DCLK2: variants seen among roughly 807,000 people sequenced by gnomAD.
DCLK2 encodes doublecortin like kinase 2, also known as serine/threonine-protein kinase DCLK2.
Under a neutral mutation model 78.4 loss-of-function variants are expected in DCLK2, and 31 were observed. The observed-to-expected ratio is 0.40, with a 90% confidence interval of 0.30 to 0.53. The LOEUF (loss-of-function observed/expected upper bound fraction) is 0.53. Among genes scored for constraint, DCLK2 ranks in the 20% least tolerant of loss-of-function variants. The pLI is 0.61. For missense variants in DCLK2, 872 were observed against 973.7 expected (o/e 0.90, Z 1.39); for synonymous variants, 407 against 374.9 (o/e 1.09, Z -0.99).
chr4:150,197,725 C>T (rs1012408536), intron 3 of DCLK2, among the ~76,000 whole-genome samples: 1 of 150,064 alleles, frequency 6.7e-6, no homozygotes, highest in African/African-American at 2.5e-5. Flanking sequence ...ACCTGGGAGG[C>T]GGAGGTTGCA....
intron 5 of DCLK2, among the ~76,000 whole-genome samples, chr4:150,205,311 G>A (rs1739770393): frequency 1.3e-5 from 2 of 152,154 alleles, no homozygotes; most frequent in African/African-American, 4.8e-5. Context: ...TGAGAATGTT[G>A]TATGTCCTTC....
chr4:150,123,383 A>T (rs1416792794), intron 2 of DCLK2, among the ~76,000 whole-genome samples: 2 of 152,100 alleles, frequency 1.3e-5, no homozygotes, highest in Admixed American at 6.6e-5. Flanking sequence ...GAGATGAGGG[A>T]GCAGCTGGTT....
At chr4:150,080,601 T>C (rs1323175046) in intron 1 of DCLK2, among the ~76,000 whole-genome samples, 1 of 152,202 alleles carries the variant, frequency 6.6e-6, no homozygotes, top group East Asian at 1.9e-4. Context: ...GCCAGATGTT[T>C]TTCTTATATT....
chr4:150,137,958 G>C (rs76847907), intron 2 of DCLK2, among the ~76,000 whole-genome samples: 4,453 of 152,234 alleles, frequency 0.029, 177 homozygotes, highest in African/African-American at 0.097. Context: ...ATATCCAGGG[G>C]AACCTGTGGG....
chr4:150,100,289 A>G (rs1251063675), intron 1 of DCLK2, among the ~76,000 whole-genome samples: 1 of 152,236 alleles, frequency 6.6e-6, no homozygotes, highest in Non-Finnish European at 1.5e-5. Flanking sequence ...GTAATTGCAC[A>G]AAAGCAAATT....
At chr4:150,239,910 C>T in intron 11 of DCLK2, 35 bp downstream of exon 11, 1 of 1,368,002 alleles carries the variant, frequency 7.3e-7, no homozygotes, top group Non-Finnish European at 9.5e-7. Context: ...AGTACTTTAA[C>T]TTTGATGAGA....
chr4:150,156,226 A>G (rs1735259176), intron 2 of DCLK2, among the ~76,000 whole-genome samples: 1 of 152,074 alleles, frequency 6.6e-6, no homozygotes, highest in Non-Finnish European at 1.5e-5. Flanking sequence ...TCTAAATGTT[A>G]TTATAAATGA....
intron 2 of DCLK2, among the ~76,000 whole-genome samples, chr4:150,143,422 T>G (rs577767706): frequency 6.6e-6 from 1 of 152,240 alleles, no homozygotes; most frequent in African/African-American, 2.4e-5. Flanking sequence ...GGCTGGAGGA[T>G]TGCGAGAGCC....
chr4:150,180,770 C>T (rs1737452506), intron 2 of DCLK2, among the ~76,000 whole-genome samples: 1 of 152,132 alleles, frequency 6.6e-6, no homozygotes, highest in African/African-American at 2.4e-5. Context: ...AATCTCTTCC[C>T]CAAGGTGGGT....
intron 2 of DCLK2, among the ~76,000 whole-genome samples, chr4:150,172,358 C>G (rs181976158): frequency 7.8e-4 from 119 of 152,112 alleles, no homozygotes; most frequent in Admixed American, 2.7e-3. Flanking sequence ...AATCCCAGCA[C>G]TTTGGGAGGC....
chr4:150,161,670 T>C (rs1236862402), intron 2 of DCLK2, among the ~76,000 whole-genome samples: 2 of 152,226 alleles, frequency 1.3e-5, no homozygotes, highest in Non-Finnish European at 2.9e-5. Flanking sequence ...TATGCACAGA[T>C]GCACCCAGAA....
chr4:150,225,820 C>A (rs1741562258), intron 8 of DCLK2, among the ~76,000 whole-genome samples: 1 of 152,136 alleles, frequency 6.6e-6, no homozygotes. Context: ...GAGCCAGATT[C>A]TATAAAGTGT....
intron 8 of DCLK2, among the ~76,000 whole-genome samples, chr4:150,228,107 G>A (rs1048084054): frequency 2.6e-5 from 4 of 152,042 alleles, no homozygotes; most frequent in African/African-American, 9.7e-5. Flanking sequence ...CTGTCTGTGT[G>A]AAACTTCCCT....
At chr4:150,135,040 T>C (rs1733593802) in intron 2 of DCLK2, among the ~76,000 whole-genome samples, 1 of 152,226 alleles carries the variant, frequency 6.6e-6, no homozygotes, top group Non-Finnish European at 1.5e-5. Flanking sequence ...ATTCATTTTA[T>C]AATGAAAAGT....
Position 150,208,444 on chromosome 4 carries a change from C to T in DCLK2, c.1056+4555C>T, listed in dbSNP as rs185021150. Among the ~76,000 whole-genome samples, 321 of 150,386 alleles carry T rather than the reference C, an allele frequency of 2.1e-3. 1 individual carries two copies. Among genetic ancestry groups the T allele is most frequent in the Middle Eastern group, 6.8e-3 (2 of 292 alleles). On this transcript the variant is annotated intron_variant, in intron 5 of 15. Transcript: ENST00000296550. Reference sequence around the variant, plus strand: ...TTGTTTTGTTTGTTTTGTTTTGAGACGGAGTCTTGCTATGTTGCCCAGGCT... The same window carrying T: ...TTGTTTTGTTTGTTTTGTTTTGAGATGGAGTCTTGCTATGTTGCCCAGGCT...
chr4:150,091,673 T>C (rs751379472), intron 1 of DCLK2, among the ~76,000 whole-genome samples: 2 of 152,148 alleles, frequency 1.3e-5, no homozygotes, highest in Admixed American at 6.6e-5. Context: ...TGAGAGACTT[T>C]ATAGTAACTG....
intron 5 of DCLK2, among the ~76,000 whole-genome samples, chr4:150,215,361 ACC>A (rs1012553780): frequency 6.6e-6 from 1 of 151,942 alleles, no homozygotes; most frequent in Non-Finnish European, 1.5e-5. Flanking sequence ...CCCCAAAACT[ACC>A]CCCTTCTTCA....
chr4:150,087,041 A>G (rs1580472145), intron 1 of DCLK2, among the ~76,000 whole-genome samples: 1 of 152,196 alleles, frequency 6.6e-6, no homozygotes. Flanking sequence ...AAGAGCTTAA[A>G]TGAATATTCT....
intron 2 of DCLK2, 118 bp downstream of exon 2, chr4:150,102,930 C>T (rs1429069579): frequency 1.0e-6 from 1 of 968,636 alleles, no homozygotes. Flanking sequence ...GGGAGTCATA[C>T]TTGAGATTGT....
Sources: gnomAD v4.1 joint callset for allele counts (sites outside exome capture counted in the v4.1 genomes callset) on GRCh38, gnomAD v4.1.1 for gene constraint, MANE v1.5 for transcripts, NCBI Gene and HGNC (gene_info 2026-07-23, HGNC 2026-07-21) for gene names.